The following EYS variants were observed in gnomAD, a reference collection of about 807,000 sequenced individuals.
EYS encodes protein eyes shut homolog.
EYS carries 250 observed loss-of-function variants against 282.1 expected under a neutral mutation model. The observed-to-expected ratio is 0.89, with a 90% CI of 0.80 to 0.98. EYS has a LOEUF of 0.98. Among genes scored for constraint, EYS ranks in the 50% least tolerant of loss-of-function variants. The pLI, the probability that EYS is intolerant of heterozygous loss-of-function variation, is 0.00. For synonymous variants in EYS, 1,355 were observed against 1,282.9 expected, an observed-to-expected ratio of 1.06 and a Z score of -1.20; for missense variants, 4,016 against 3,709.0, an observed-to-expected ratio of 1.08 and a Z score of -2.15.
chr6:65,060,269 A>T (rs1281015905), intron 12 of EYS, among the ~76,000 whole-genome samples: 1 of 151,718 alleles, frequency 6.6e-6, no homozygotes, highest in East Asian at 1.9e-4. Flanking sequence ...AAATTCATGC[A>T]AATCTTGGAT....
chr6:64,018,047 T>A (rs1428313572), intron 33 of EYS, among the ~76,000 whole-genome samples: 1 of 152,242 alleles, frequency 6.6e-6, no homozygotes, highest in Non-Finnish European at 1.5e-5. Flanking sequence ...ATGTCTTATG[T>A]GTAAACCTTG....
intron 12 of EYS, among the ~76,000 whole-genome samples, chr6:65,256,633 T>C (rs1164186178): frequency 2.1e-5 from 1 of 48,242 alleles, no homozygotes; most frequent in Non-Finnish European, 3.9e-5. Flanking sequence ...TATTCCATGG[T>C]GTATATGTGC....
chr6:64,630,083 T>G (rs928687328), intron 22 of EYS, among the ~76,000 whole-genome samples: 1 of 152,060 alleles, frequency 6.6e-6, no homozygotes, highest in Non-Finnish European at 1.5e-5. Flanking sequence ...ATTCTGAGAT[T>G]TTTTTTGTTT....
At chr6:64,342,662 G>A (rs112561435) in intron 29 of EYS, among the ~76,000 whole-genome samples, 37 of 152,030 alleles carry the variant, frequency 2.4e-4, no homozygotes, top group African/African-American at 7.5e-4. Flanking sequence ...ATCAACTAAC[G>A]AGCAAAATAA....
At chr6:64,229,516 T>C (rs1766353695) in intron 31 of EYS, among the ~76,000 whole-genome samples, 1 of 152,158 alleles carries the variant, frequency 6.6e-6, no homozygotes, top group African/African-American at 2.4e-5. Flanking sequence ...AATCAAGCCA[T>C]AGTGATGTAT....
chr6:65,385,693 A>C (rs1193901952), intron 7 of EYS, among the ~76,000 whole-genome samples: 3 of 151,948 alleles, frequency 2.0e-5, no homozygotes, highest in African/African-American at 7.2e-5. Context: ...AATAAAATTA[A>C]GTTTGTCCTA....
chr6:64,161,216 G>C (rs1775096108), intron 31 of EYS, among the ~76,000 whole-genome samples: 1 of 152,134 alleles, frequency 6.6e-6, no homozygotes, highest in Non-Finnish European at 1.5e-5. Context: ...TGTTTCTATA[G>C]TGTACACTTT....
At chr6:63,755,253 G>T (rs1188446874) in intron 41 of EYS, among the ~76,000 whole-genome samples, 3 of 151,970 alleles carry the variant, frequency 2.0e-5, no homozygotes, top group African/African-American at 7.3e-5. Context: ...TTTTAGTTAT[G>T]AAGTCTTTGC....
At chr6:65,523,773 T>TA (rs982233007) in intron 2 of EYS, among the ~76,000 whole-genome samples, 10 of 152,194 alleles carry the variant, frequency 6.6e-5, no homozygotes, top group Non-Finnish European at 1.2e-4. Flanking sequence ...TAGTCTACGT[T>TA]ATGAGAGAAC....
intron 1 of EYS, among the ~76,000 whole-genome samples, chr6:65,651,984 C>T (rs931860711): frequency 6.6e-6 from 1 of 151,772 alleles, no homozygotes; most frequent in Non-Finnish European, 1.5e-5. Flanking sequence ...ACACTAAATC[C>T]CTAGGCTCCA....
chr6:63,764,485 T>C (rs1163699660), intron 40 of EYS, among the ~76,000 whole-genome samples: 1 of 152,034 alleles, frequency 6.6e-6, no homozygotes, highest in Non-Finnish European at 1.5e-5. Context: ...TAAAGAATTT[T>C]TAAACGTGAT....
intron 11 of EYS, among the ~76,000 whole-genome samples, chr6:65,310,755 G>A (rs1049588136): frequency 2.0e-4 from 31 of 152,020 alleles, no homozygotes; most frequent in Admixed American, 2.6e-4. Context: ...TCCACTGGCT[G>A]GTTTATCATT....
intron 31 of EYS, among the ~76,000 whole-genome samples, chr6:64,092,250 C>A (rs1413980863): frequency 2.0e-5 from 3 of 152,138 alleles, no homozygotes; most frequent in Admixed American, 6.5e-5. Flanking sequence ...GATTTATAAT[C>A]CTTTGGGTAT....
At chr6:65,194,830 G>A (rs1019000279) in intron 12 of EYS, among the ~76,000 whole-genome samples, 32 of 151,094 alleles carry the variant, frequency 2.1e-4, no homozygotes, top group African/African-American at 7.5e-4. Flanking sequence ...AAAATACCAG[G>A]GAGAATCTCA....
intron 33 of EYS, among the ~76,000 whole-genome samples, chr6:64,003,363 G>A (rs937692935): frequency 2.0e-5 from 3 of 152,138 alleles, no homozygotes; most frequent in Admixed American, 6.5e-5. Flanking sequence ...TAGTTAGAAT[G>A]AATAAGATCT....
At chr6:65,057,234 C>T (rs1008924130) in intron 13 of EYS, among the ~76,000 whole-genome samples, 5 of 151,912 alleles carry the variant, frequency 3.3e-5, no homozygotes, top group Non-Finnish European at 7.4e-5. Context: ...AAAAATTAAA[C>T]AGATGATTAG....
chr6:64,310,451 C>G (rs920496208), intron 29 of EYS, among the ~76,000 whole-genome samples: 2 of 152,072 alleles, frequency 1.3e-5, no homozygotes. Flanking sequence ...GAGCTGGAGG[C>G]CATTATCCTT....
chr6:64,334,450 A>G (rs1353889371), intron 29 of EYS, among the ~76,000 whole-genome samples: 1 of 152,204 alleles, frequency 6.6e-6, no homozygotes, highest in Non-Finnish European at 1.5e-5. Flanking sequence ...TAACATTAAA[A>G]AGGACATTGA....
rs529103558 is a variant in EYS, at chr6:65,408,126, C to T, written c.863-2759G>A. Among the ~76,000 whole-genome samples the T allele has an allele frequency of 9.9e-5, 15 of 151,824 alleles. 1 individual carries two copies. The East Asian group carries it at 1.4e-3, about 14-fold the overall frequency. On this transcript the variant is annotated intron_variant, in intron 5 of 42. Coordinates refer to ENST00000503581, the MANE Select transcript of EYS (RefSeq NM_001142800.2). ...TCAGATATCAAACTTATCTTGAATC[C>T]TGGGGAAAAAATCGTACTTTATCAG...
Sources: allele counts gnomAD v4.1 joint callset (sites outside exome capture counted in the v4.1 genomes callset), GRCh38; gene constraint gnomAD v4.1.1; transcripts MANE v1.5; gene names NCBI Gene and HGNC (gene_info 2026-07-23, HGNC 2026-07-21).